The following PODXL2 variants were observed in gnomAD, a reference collection of about 807,000 sequenced individuals.
PODXL2 encodes the protein podocalyxin like 2.
In PODXL2, 17 loss-of-function variants were observed where a neutral mutation model predicts 53.4. The ratio of observed to expected loss-of-function variants is 0.32; its 90% confidence interval spans 0.22 to 0.48. The LOEUF is 0.48. Ranked by LOEUF, PODXL2 falls within the 20% of genes least tolerant of loss-of-function variation. PODXL2 has a pLI of 0.99. For missense variants in PODXL2, 673 were observed against 760.0 expected, an observed-to-expected ratio of 0.89 and a Z score of 1.35; for synonymous variants, 311 against 306.7, an observed-to-expected ratio of 1.01 and a Z score of -0.15.
intron 2 of PODXL2, among the ~76,000 whole-genome samples, chr3:127,651,730 AGAG>A (rs1395433614): frequency 2.0e-5 from 3 of 152,210 alleles, no homozygotes; most frequent in Non-Finnish European, 4.4e-5. Context: ...GTGGATGCTG[AGAG>A]GAGCAGAGAA....
rs1025789585 is a variant in PODXL2, at chr3:127,639,256, G to A, written c.82G>A (p.Gly28Ser). Residue 28 changes from glycine to serine, a missense_variant, in exon 2 of 8, where the codon GGT (glycine) becomes AGT (serine). Around this residue, in one of 3 missense-constraint regions of PODXL2, gnomAD observed 588 missense variants for 668.3 expected, o/e 0.88. Coordinates refer to ENST00000342480, the MANE Select transcript of PODXL2 (RefSeq NM_015720.4). ...TTATGTCTGCACAGGAGCGTTCCTG[G>A]GTGCCTGTGTGGCTGGGTCTGATGA... is the stretch of plus-strand genomic sequence containing the variant. ...LLLLVGGAFL[G>S]ACVAGSDEPG... 1.2e-6 allele frequency: 2 copies of A among 1,605,302 alleles called. No homozygotes were observed. The highest frequency in any genetic ancestry group is 1.3e-5 in the African/African-American group (1 of 74,574).
At chr3:127,668,868 G>T (rs2074812800) in intron 5 of PODXL2, among the ~76,000 whole-genome samples, 1 of 152,220 alleles carries the variant, frequency 6.6e-6, no homozygotes, top group Non-Finnish European at 1.5e-5. Flanking sequence ...ACTGTACCTG[G>T]TGTGGCAGGG....
chr3:127,648,787 CTTTT>C (rs988325770), intron 2 of PODXL2, among the ~76,000 whole-genome samples: 2 of 97,850 alleles, frequency 2.0e-5, no homozygotes, highest in African/African-American at 4.0e-5. Context: ...TTTTGTATTT[CTTTT>C]TTTTTTTTTT....
intron 1 of PODXL2, among the ~76,000 whole-genome samples, chr3:127,633,498 GT>G (rs1375408363): frequency 4.0e-5 from 6 of 151,410 alleles, no homozygotes; most frequent in African/African-American, 9.8e-5. Flanking sequence ...GTGTGTGTGT[GT>G]GTGGGAGAAA....
At chr3:127,645,911 A>G (rs1278008556) in intron 2 of PODXL2, among the ~76,000 whole-genome samples, 1 of 152,168 alleles carries the variant, frequency 6.6e-6, no homozygotes, top group Non-Finnish European at 1.5e-5. Flanking sequence ...GGAGGAGTCA[A>G]AAGAACCTTG....
At chr3:127,651,518 G>T (rs1486601713) in intron 2 of PODXL2, among the ~76,000 whole-genome samples, 2 of 152,186 alleles carry the variant, frequency 1.3e-5, no homozygotes, top group African/African-American at 4.8e-5. Context: ...GGCAAATGGG[G>T]GTGTAGGGGT....
intron 2 of PODXL2, among the ~76,000 whole-genome samples, chr3:127,641,302 T>A (rs2074618312): frequency 6.6e-6 from 1 of 152,210 alleles, no homozygotes; most frequent in Non-Finnish European, 1.5e-5. Flanking sequence ...CTCGAACTCC[T>A]GGGCTCAAGC....
intron 3 of PODXL2, among the ~76,000 whole-genome samples, chr3:127,661,581 CA>C (rs952297853): frequency 4.6e-5 from 7 of 152,066 alleles, no homozygotes; most frequent in African/African-American, 1.7e-4. Flanking sequence ...GGATTACAGG[CA>C]TGTGCCACCA....
rs1344405676 is a variant in PODXL2, at chr3:127,672,396, C to T, written c.1734C>T (p.Asn578=). ...HPSLNGGGAL[N]GPGSWGALMG... Reference sequence around the variant, plus strand: ...GCCTGAACGGCGGCGGGGCCCTCAACGGCCCGGGGAGCTGGGGGGCGCTCA... The same window carrying T: ...GCCTGAACGGCGGCGGGGCCCTCAATGGCCCGGGGAGCTGGGGGGCGCTCA... Residue 578 remains asparagine, a synonymous_variant, in exon 8 of 8, where the codon AAC becomes AAT. Coordinates refer to ENST00000342480, the MANE Select transcript of PODXL2 (RefSeq NM_015720.4). 1 of 1,544,134 alleles carries T rather than the reference C, an allele frequency of 6.5e-7. No individual in the cohort carries two copies. The highest frequency in any genetic ancestry group is 8.7e-7 in the Non-Finnish European group (1 of 1,145,922).
intron 2 of PODXL2, among the ~76,000 whole-genome samples, chr3:127,641,034 T>G (rs930552102): frequency 6.6e-6 from 1 of 152,108 alleles, no homozygotes; most frequent in Non-Finnish European, 1.5e-5. Flanking sequence ...TGCCTCAGCC[T>G]CCGAGTAGCT....
chr3:127,632,186 C>T (rs2074551163), intron 1 of PODXL2, among the ~76,000 whole-genome samples: 1 of 152,212 alleles, frequency 6.6e-6, no homozygotes, highest in South Asian at 2.1e-4. Flanking sequence ...CCTCTGGGCA[C>T]AATGACCTGG....
At chr3:127,649,415 G>C (rs1449894324) in intron 2 of PODXL2, among the ~76,000 whole-genome samples, 1 of 152,226 alleles carries the variant, frequency 6.6e-6, no homozygotes, top group Non-Finnish European at 1.5e-5. Context: ...TACCTTTCCA[G>C]AAGTGAGATT....
intron 6 of PODXL2, among the ~76,000 whole-genome samples, chr3:127,669,753 C>G (rs556402518): frequency 2.0e-5 from 3 of 152,174 alleles, no homozygotes. Context: ...AGGAGGTGCC[C>G]CCACCCAGTG....
chr3:127,667,793 C>T (rs931008245), intron 4 of PODXL2, among the ~76,000 whole-genome samples: 1 of 152,236 alleles, frequency 6.6e-6, no homozygotes, highest in South Asian at 2.1e-4. Flanking sequence ...CTGCGGTTCC[C>T]ATCTCTGTGT....
chr3:127,657,915 T>A (rs868768129), intron 2 of PODXL2, among the ~76,000 whole-genome samples: 51 of 152,374 alleles, frequency 3.3e-4, no homozygotes, highest in Middle Eastern at 3.4e-3. Flanking sequence ...TGAATCTTTC[T>A]GAAGATATTA....
At chr3:127,655,624 T>A (rs551170656) in intron 2 of PODXL2, among the ~76,000 whole-genome samples, 35 of 152,246 alleles carry the variant, frequency 2.3e-4, no homozygotes, top group African/African-American at 7.7e-4. Context: ...ATCATACAGC[T>A]GATAAGCAGT....
chr3:127,639,334 A>G lies in PODXL2; in HGVS notation c.160A>G (p.Thr54Ala). The change falls in exon 2 of 8, where the codon ACT becomes GCT. Residue 54 changes from threonine to alanine, a missense_variant. Transcript: ENST00000342480. ...STSLLDLLLP[T>A]GLEPLDSEEP... ...CTCCCTGCTAGACCTCCTGCTGCCC[A>G]CTGGCTTGGAGCCACTGGACTCAGA... The G allele has an allele frequency of 6.2e-7, 1 of 1,614,124 alleles. No homozygotes were observed. The highest frequency in any genetic ancestry group is 1.3e-5 in the African/African-American group (1 of 75,066).
At chr3:127,633,800 G>A (rs1362887559) in intron 1 of PODXL2, among the ~76,000 whole-genome samples, 1 of 151,960 alleles carries the variant, frequency 6.6e-6, no homozygotes, top group African/African-American at 2.4e-5. Flanking sequence ...GAGAGGAGTG[G>A]TGTCTCATCC....
intron 1 of PODXL2, among the ~76,000 whole-genome samples, chr3:127,630,395 G>T (rs1433375192): frequency 6.6e-6 from 1 of 152,228 alleles, no homozygotes; most frequent in Non-Finnish European, 1.5e-5. Context: ...CGTCAAAATA[G>T]CGTCCTAGTA....
Sources: allele counts gnomAD v4.1 joint callset (sites outside exome capture counted in the v4.1 genomes callset), GRCh38; gene constraint gnomAD v4.1.1; regional missense constraint gnomAD v4.1.1; transcripts MANE v1.5; gene names NCBI Gene and HGNC (gene_info 2026-07-23, HGNC 2026-07-21).